The following DHX30 variants were observed in gnomAD, a reference collection of about 807,000 sequenced individuals.
DHX30 encodes ATP-dependent RNA helicase DHX30.
Under a neutral mutation model 116.9 loss-of-function variants are expected in DHX30, and 4 were observed. The observed-to-expected ratio is 0.03, with a 90% CI of 0.02 to 0.08. The LOEUF is 0.08. Ranked by LOEUF, DHX30 falls within the 10% of genes least tolerant of loss-of-function variation. The pLI is 1.00. For missense variants in DHX30, 871 were observed against 1,595.1 expected (o/e 0.55, Z 7.73); for synonymous variants, 697 against 651.7 (o/e 1.07, Z -1.06).
chr3:47,820,367 A>G (rs1236822509), intron 4 of DHX30, among the ~76,000 whole-genome samples: 1 of 151,584 alleles, frequency 6.6e-6, no homozygotes, highest in Non-Finnish European at 1.5e-5. Flanking sequence ...ATGAGGACGG[A>G]TGACCTGGTA....
chr3:47,832,522 TTCTC>T (rs1191511916), intron 6 of DHX30, among the ~76,000 whole-genome samples: 4 of 152,136 alleles, frequency 2.6e-5, no homozygotes, highest in Non-Finnish European at 4.4e-5. Context: ...GGTTCAACCA[TTCTC>T]TCTGTGTTTA....
intron 6 of DHX30, among the ~76,000 whole-genome samples, chr3:47,837,558 C>T (rs1244926902): frequency 1.3e-5 from 2 of 152,030 alleles, no homozygotes; most frequent in Non-Finnish European, 2.9e-5. Context: ...GTCAGGAGCT[C>T]GAGAGCAGCC....
chr3:47,847,626 C>T lies in DHX30; in HGVS notation c.2110+90C>T, dbSNP rs1443776031. The T allele has an allele frequency of 1.5e-5, 22 of 1,457,164 alleles. No individual in the cohort carries two copies. Among genetic ancestry groups the T allele is most frequent in the South Asian group, 8.2e-5 (6 of 73,360 alleles). The allele number at this position is 1,457,164 out of a possible 1,614,324, so 90.3% of individuals were successfully genotyped here. On this transcript the variant is annotated intron_variant, in intron 13 of 21. Transcript: ENST00000445061. The surrounding 1 kb of genome is among the most constrained non-coding windows in gnomAD (Gnocchi z 5.5). ...GACCCAACTGGGACTCCAGGGGCCC[C>T]GGTTTCTGACCAAGCTGTGGCACTT... is the stretch of plus-strand genomic sequence containing the variant.
rs1004500303 is a variant in DHX30 at position 47,847,076 on chromosome 3, C to G, written c.1929+75C>G. On this transcript the variant is annotated intron_variant, in intron 11 of 21. Coordinates refer to ENST00000445061, the MANE Select transcript of DHX30 (RefSeq NM_138615.3). This position sits in a 1 kb window ranked among gnomAD's most constrained non-coding sequence, Gnocchi z 5.5. ...ATGCCCCTCCTCCCTGGCCCTGGGG[C>G]TTGGTGCCTGGGGCAAGTTACCCTC... The G allele has an allele frequency of 5.8e-6, 9 of 1,548,798 alleles. No homozygotes were observed. In the South Asian group the frequency reaches 6.1e-5, roughly 10 times the overall value.
chr3:47,839,072 A>C (rs1047691874), intron 6 of DHX30, among the ~76,000 whole-genome samples: 3 of 151,730 alleles, frequency 2.0e-5, no homozygotes, highest in African/African-American at 7.3e-5. Context: ...GCTTGAGGGC[A>C]AGGACCAGGT....
At chr3:47,803,239 T>C in intron 1 of DHX30, 27 bp downstream of exon 1, 1 of 392,576 alleles carries the variant, frequency 2.5e-6, no homozygotes, top group Non-Finnish European at 4.5e-6. Flanking sequence ...ATTCTCCCCT[T>C]TCGTGCCCTC....
chr3:47,812,685 G>A (rs2035854527), intron 3 of DHX30, among the ~76,000 whole-genome samples: 1 of 148,888 alleles, frequency 6.7e-6, no homozygotes, highest in Non-Finnish European at 1.5e-5. Context: ...TTTTGAGACG[G>A]AGTCTCACTC....
chr3:47,849,501 C>T lies in DHX30; in HGVS notation c.3138C>T (p.Val1046=). ...AGGGGAAGTTCAAGCCCAACAGCGTCACATATAGGACCAAATCAGGCAACA... is the reference window on the plus strand; with the variant it reads ...AGGGGAAGTTCAAGCCCAACAGCGTTACATATAGGACCAAATCAGGCAACA... ...TRQGKFKPNS[V]TYRTKSGNIL... Residue 1046 remains valine (V), a synonymous_variant, in exon 20 of 22, where the codon GTC becomes GTT. Transcript: ENST00000445061. 6.3e-7 allele frequency: 1 copy of T among 1,594,168 alleles called. No individual in the cohort carries two copies. Among genetic ancestry groups the T allele is most frequent in the South Asian group, 1.1e-5 (1 of 89,270 alleles).
chr3:47,827,547 T>G, intron 5 of DHX30, 70 bp downstream of exon 5: 1 of 1,544,120 alleles, frequency 6.5e-7, no homozygotes, highest in Non-Finnish European at 8.7e-7. Context: ...CTTTCTGTCT[T>G]AGGTTTCTTT....
At chr3:47,827,784 C>T (rs1190720873) in intron 5 of DHX30, among the ~76,000 whole-genome samples, 1 of 152,142 alleles carries the variant, frequency 6.6e-6, no homozygotes, top group East Asian at 1.9e-4. Flanking sequence ...AATTCTTGCC[C>T]TTACAGTCTT....
intron 3 of DHX30, 35 bp downstream of exon 3, chr3:47,810,746 T>C: frequency 1.9e-6 from 3 of 1,601,422 alleles, no homozygotes; most frequent in Non-Finnish European, 2.6e-6. Context: ...CCTCATGCCC[T>C]TCCTTATTGG....
chr3:47,844,018 A>G (rs1200167304), intron 9 of DHX30, among the ~76,000 whole-genome samples: 2 of 152,158 alleles, frequency 1.3e-5, no homozygotes, highest in Non-Finnish European at 2.9e-5. Flanking sequence ...GTTCTCTTGA[A>G]AGGGGCTGGT....
Position 47,850,070 on chromosome 3 carries a change from C to T in DHX30, c.3535C>T (p.Leu1179=). 1 of 1,597,350 alleles carries T rather than the reference C, an allele frequency of 6.3e-7. No homozygotes were observed. Among genetic ancestry groups the T allele is most frequent in the Non-Finnish European group, 8.5e-7 (1 of 1,173,902 alleles). The change falls in exon 22 of 22, where the codon CTG becomes TTG. Residue 1179 remains leucine, a synonymous_variant. Coordinates refer to ENST00000445061, the MANE Select transcript of DHX30 (RefSeq NM_138615.3). The part of the protein sequence containing the change: ...GQLLALLAEL[L]RGPCGSFDVR... ...GCTGCTTGCGCTACTGGCAGAGCTG[C>T]TGCGAGGACCCTGTGGCAGCTTTGA...
intron 3 of DHX30, among the ~76,000 whole-genome samples, chr3:47,815,316 A>G (rs959902292): frequency 2.0e-5 from 3 of 152,264 alleles, no homozygotes; most frequent in East Asian, 3.9e-4. Flanking sequence ...TATGCCCTTG[A>G]TAAATACTGG....
chr3:47,828,285 C>T (rs185644255), intron 5 of DHX30, among the ~76,000 whole-genome samples: 395 of 150,736 alleles, frequency 2.6e-3, no homozygotes, highest in Non-Finnish European at 4.0e-3. Context: ...CATAGTGAGA[C>T]CCCATTTCTA....
intron 3 of DHX30, among the ~76,000 whole-genome samples, chr3:47,814,484 G>A (rs1464932926): frequency 1.3e-5 from 2 of 150,174 alleles, no homozygotes; most frequent in Non-Finnish European, 3.0e-5. Context: ...TGAGCGCCGT[G>A]TCTCATGCTT....
intron 4 of DHX30, among the ~76,000 whole-genome samples, chr3:47,823,555 G>A (rs1304550977): frequency 3.3e-5 from 5 of 151,944 alleles, no homozygotes; most frequent in Admixed American, 1.3e-4. Flanking sequence ...GTAGAGATGG[G>A]GTTTCACCAT....
chr3:47,819,567 G>A (rs954681430), intron 4 of DHX30, among the ~76,000 whole-genome samples: 1 of 152,172 alleles, frequency 6.6e-6, no homozygotes. Context: ...CTTGGCCTGC[G>A]GATAGCGATC....
intron 3 of DHX30, among the ~76,000 whole-genome samples, chr3:47,814,879 T>C (rs2035982339): frequency 6.6e-6 from 1 of 151,712 alleles, no homozygotes; most frequent in Non-Finnish European, 1.5e-5. Flanking sequence ...AATAAAATAA[T>C]TAAAAAAATA....
Sources: allele counts gnomAD v4.1 joint callset (sites outside exome capture counted in the v4.1 genomes callset), GRCh38; gene constraint gnomAD v4.1.1; non-coding constraint Gnocchi (gnomAD v3.1); transcripts MANE v1.5; gene names NCBI Gene and HGNC (gene_info 2026-07-23, HGNC 2026-07-21).